The following RGS8 variants were observed in gnomAD, a reference collection of about 807,000 sequenced individuals.
RGS8 encodes regulator of G-protein signaling 8.
In RGS8, 8 loss-of-function variants were observed where a neutral mutation model predicts 21.7. The observed-to-expected ratio is 0.37, with a 90% CI of 0.22 to 0.66. The LOEUF is 0.66. Among genes scored for constraint, RGS8 ranks in the 30% least tolerant of loss-of-function variants. RGS8 has a pLI of 0.59. For missense variants in RGS8, 157 were observed against 217.9 expected, an observed-to-expected ratio of 0.72 and a Z score of 1.76; for synonymous variants, 80 against 83.6, an observed-to-expected ratio of 0.96 and a Z score of 0.24.
chr1:182,703,752 C>T, the RGS8 span, among the ~76,000 whole-genome samples: 1 of 152,178 alleles, frequency 6.6e-6, no homozygotes, highest in Non-Finnish European at 1.5e-5. Context: ...AGATTCGCCT[C>T]CCTAATTACA....
the RGS8 span, among the ~76,000 whole-genome samples, chr1:182,726,556 G>C: frequency 6.6e-6 from 1 of 152,098 alleles, no homozygotes; most frequent in Non-Finnish European, 1.5e-5. Flanking sequence ...TATAATCCCA[G>C]CTGCTCAGAA....
At chr1:182,724,209 T>TAG in the RGS8 span, among the ~76,000 whole-genome samples, 1 of 85,470 alleles carries the variant, frequency 1.2e-5, no homozygotes, top group Non-Finnish European at 2.5e-5. Context: ...TGGATATATA[T>TAG]ATATATATAT....
chr1:182,737,671 A>G, the RGS8 span, among the ~76,000 whole-genome samples: 125 of 152,318 alleles, frequency 8.2e-4, no homozygotes, highest in Non-Finnish European at 1.4e-3. Context: ...TCTTTTATTT[A>G]TAAATTATCC....
exon 6 of RGS8, chr1:182,648,186 T>C: frequency 6.2e-7 from 1 of 1,613,634 alleles, no homozygotes; most frequent in Non-Finnish European, 8.5e-7. Context: ...CCTATGGGCC[T>C]TAGAGACCAG....
the RGS8 span, among the ~76,000 whole-genome samples, chr1:182,725,060 C>A: frequency 2.0e-5 from 3 of 152,100 alleles, no homozygotes; most frequent in East Asian, 1.9e-4. Context: ...CTTCAGGTTA[C>A]CTTTTTGTAA....
At chr1:182,742,676 C>T in the RGS8 span, among the ~76,000 whole-genome samples, 3 of 152,154 alleles carry the variant, frequency 2.0e-5, no homozygotes, top group Admixed American at 1.3e-4. Context: ...TGCAGTGAGC[C>T]GAGATGGCAG....
the RGS8 span, among the ~76,000 whole-genome samples, chr1:182,709,391 A>T: frequency 1.4e-4 from 22 of 152,242 alleles, no homozygotes; most frequent in African/African-American, 5.3e-4. Context: ...CATCCTTTCC[A>T]TACCCACTCA....
chr1:182,642,160 A>G (rs1255124793), downstream of RGS8: 1 of 152,260 alleles, frequency 6.6e-6, no homozygotes, highest in African/African-American at 2.4e-5. Context: ...GAAATCTCTC[A>G]TCTTGGTCCA....
At chr1:182,717,927 A>C in the RGS8 span, among the ~76,000 whole-genome samples, 2 of 152,254 alleles carry the variant, frequency 1.3e-5, no homozygotes, top group Non-Finnish European at 2.9e-5. Flanking sequence ...CTGAAATTTT[A>C]CTGAGTATAA....
At chr1:182,698,143 G>A in the RGS8 span, among the ~76,000 whole-genome samples, 1 of 152,204 alleles carries the variant, frequency 6.6e-6, no homozygotes, top group East Asian at 1.9e-4. Flanking sequence ...TGGCTCAGTG[G>A]CTGCTGGCCA....
At chr1:182,742,265 A>G in the RGS8 span, among the ~76,000 whole-genome samples, 1 of 147,110 alleles carries the variant, frequency 6.8e-6, no homozygotes, top group Non-Finnish European at 1.5e-5. Context: ...CTGGGCAGCC[A>G]GGCAGAGGGG....
upstream of RGS8, among the ~76,000 whole-genome samples, chr1:182,687,141 C>A (rs1664728744): frequency 2.6e-5 from 4 of 151,978 alleles, no homozygotes; most frequent in Admixed American, 2.0e-4. Flanking sequence ...ATTTCTGGCC[C>A]CCACTCCCAG....
chr1:182,657,494 T>C (rs938938650), intron 5 of RGS8, among the ~76,000 whole-genome samples: 5 of 152,050 alleles, frequency 3.3e-5, no homozygotes, highest in East Asian at 3.9e-4. Flanking sequence ...CGGGGCCCCA[T>C]GCACCCCAGA....
At chr1:182,702,407 C>T in the RGS8 span, among the ~76,000 whole-genome samples, 21 of 152,196 alleles carry the variant, frequency 1.4e-4, no homozygotes, top group Middle Eastern at 3.4e-3. Flanking sequence ...AGGGGGGCAA[C>T]GGTTGAAAAA....
intron 5 of RGS8, among the ~76,000 whole-genome samples, chr1:182,661,808 TCACACACACACA>T (rs71127312): frequency 1.4e-4 from 18 of 132,460 alleles, no homozygotes; most frequent in African/African-American, 2.4e-4. Flanking sequence ...GTACACACAT[TCACACACACACA>T]CACACACACA....
the RGS8 span, among the ~76,000 whole-genome samples, chr1:182,742,765 CA>C: frequency 6.6e-6 from 1 of 151,828 alleles, no homozygotes; most frequent in African/African-American, 2.4e-5. Context: ...GGGACAGGGA[CA>C]GGGACAGGGA....
the RGS8 span, among the ~76,000 whole-genome samples, chr1:182,741,754 T>A: frequency 4.2e-5 from 4 of 95,118 alleles, no homozygotes; most frequent in East Asian, 1.2e-3. Flanking sequence ...GGCGGGGGGC[T>A]GACCCCCCCA....
At chr1:182,710,577 G>C in the RGS8 span, among the ~76,000 whole-genome samples, 2 of 152,144 alleles carry the variant, frequency 1.3e-5, no homozygotes, top group African/African-American at 4.8e-5. Flanking sequence ...TCCCACCAAT[G>C]GGGAGAAGAG....
At chr1:182,708,392 G>A in the RGS8 span, among the ~76,000 whole-genome samples, 2 of 152,182 alleles carry the variant, frequency 1.3e-5, no homozygotes, top group Non-Finnish European at 2.9e-5. Flanking sequence ...TGAAGGTGAG[G>A]CAGACCTGAC....
Sources: allele counts gnomAD v4.1 joint callset (sites outside exome capture counted in the v4.1 genomes callset), GRCh38; gene constraint gnomAD v4.1.1; transcripts MANE v1.5; gene names NCBI Gene and HGNC (gene_info 2026-07-23, HGNC 2026-07-21).